The following PALM2AKAP2 variants were observed in gnomAD, a reference collection of about 807,000 sequenced individuals.
The protein encoded by PALM2AKAP2 is PALM2-AKAP2 fusion protein.
PALM2AKAP2 carries 37 observed loss-of-function variants against 71.5 expected under a neutral mutation model. The ratio of observed to expected loss-of-function variants is 0.52; its 90% CI spans 0.40 to 0.68. The LOEUF is 0.68. PALM2AKAP2 is among the 30% of genes least tolerant of loss of function. The pLI, the probability that PALM2AKAP2 is intolerant of heterozygous loss-of-function variation, is 0.00. For synonymous variants in PALM2AKAP2, 468 were observed against 478.8 expected (o/e 0.98, Z 0.29); for missense variants, 1,224 against 1,191.8 (o/e 1.03, Z -0.40).
At chr9:109,764,334 CA>C (rs71492861) in intron 1 of PALM2AKAP2, among the ~76,000 whole-genome samples, 18,744 of 151,864 alleles carry the variant, frequency 0.12, 1,469 homozygotes, top group Non-Finnish European at 0.17. Context: ...CATCCTTCTC[CA>C]AAACAGGGTG....
intron 1 of PALM2AKAP2, among the ~76,000 whole-genome samples, chr9:109,761,736 G>T (rs571287070): frequency 6.6e-6 from 1 of 152,188 alleles, no homozygotes; most frequent in East Asian, 1.9e-4. Context: ...GTATTCCATG[G>T]TGTATATGTG....
At chr9:110,079,939 A>G (rs1834408489) in intron 1 of PALM2AKAP2, among the ~76,000 whole-genome samples, 2 of 151,818 alleles carry the variant, frequency 1.3e-5, no homozygotes, top group Admixed American at 6.6e-5. Context: ...GCGTGGTGGC[A>G]GGATCCTGTA....
At chr9:109,943,067 A>C (rs201290094) in intron 6 of PALM2AKAP2, 51 of 1,614,150 alleles carry the variant, frequency 3.2e-5, no homozygotes, top group Non-Finnish European at 3.7e-5. Flanking sequence ...CCAGGGCAGC[A>C]GGCCCAAGCC....
intron 1 of PALM2AKAP2, among the ~76,000 whole-genome samples, chr9:109,837,442 C>A (rs1217620089): frequency 6.6e-6 from 1 of 152,144 alleles, no homozygotes; most frequent in Non-Finnish European, 1.5e-5. Context: ...TTGTAAAGAC[C>A]ATCGAGGCTA....
At chr9:109,966,878 G>A (rs978906901) in intron 6 of PALM2AKAP2, among the ~76,000 whole-genome samples, 1 of 152,182 alleles carries the variant, frequency 6.6e-6, no homozygotes, top group African/African-American at 2.4e-5. Flanking sequence ...GTCTGGTGCC[G>A]CGGGTCTGCC....
At chr9:110,006,335 T>TTTCTTTCTTTCTTTCG (rs1325379738) in intron 6 of PALM2AKAP2, among the ~76,000 whole-genome samples, 37 of 128,458 alleles carry the variant, frequency 2.9e-4, no homozygotes, top group African/African-American at 9.3e-4. Flanking sequence ...TCTTTCTTTC[T>TTTCTTTCTTTCTTTCG]TTCTTTCTTT....
chr9:109,673,773 G>A (rs1827608776), intron 1 of PALM2AKAP2, among the ~76,000 whole-genome samples: 2 of 152,062 alleles, frequency 1.3e-5, no homozygotes, highest in African/African-American at 4.8e-5. Flanking sequence ...TCATAAATCT[G>A]AGTGCTCTTG....
chr9:109,992,699 A>C (rs1832507464), intron 6 of PALM2AKAP2, among the ~76,000 whole-genome samples: 1 of 152,078 alleles, frequency 6.6e-6, no homozygotes, highest in Admixed American at 6.6e-5. Flanking sequence ...GAGTTTTTCA[A>C]AATACTTGAA....
chr9:109,841,357 G>A (rs1356916861), intron 1 of PALM2AKAP2, among the ~76,000 whole-genome samples: 1 of 146,584 alleles, frequency 6.8e-6, no homozygotes, highest in African/African-American at 2.6e-5. Flanking sequence ...CATACACTGG[G>A]GCCTGTTGTG....
intron 1 of PALM2AKAP2, among the ~76,000 whole-genome samples, chr9:110,115,575 C>G (rs1382982623): frequency 6.6e-6 from 1 of 152,216 alleles, no homozygotes; most frequent in Non-Finnish European, 1.5e-5. Context: ...ACCATCTGGA[C>G]TTTCCTCGAG....
At chr9:109,996,718 G>C (rs1021604271) in intron 6 of PALM2AKAP2, among the ~76,000 whole-genome samples, 1 of 152,278 alleles carries the variant, frequency 6.6e-6, no homozygotes, top group African/African-American at 2.4e-5. Context: ...AAGCTTCTGA[G>C]TGTACTGTGG....
At chr9:109,851,062 A>C (rs1828997729) in intron 1 of PALM2AKAP2, among the ~76,000 whole-genome samples, 1 of 152,094 alleles carries the variant, frequency 6.6e-6, no homozygotes, top group South Asian at 2.1e-4. Flanking sequence ...CTGTAGTCCC[A>C]GCTGCTTGGG....
chr9:109,652,555 T>G (rs1827240955), intron 1 of PALM2AKAP2, among the ~76,000 whole-genome samples: 1 of 152,236 alleles, frequency 6.6e-6, no homozygotes, highest in Non-Finnish European at 1.5e-5. Context: ...CCAGTATTTC[T>G]TTATAGCAAT....
chr9:109,898,672 G>A (rs535591441), intron 3 of PALM2AKAP2, among the ~76,000 whole-genome samples: 25 of 152,106 alleles, frequency 1.6e-4, no homozygotes, highest in Non-Finnish European at 3.5e-4. Flanking sequence ...AACTGACTTT[G>A]GAACAGCCAT....
At chr9:110,166,007 T>C (rs1276725206) in intron 3 of PALM2AKAP2, among the ~76,000 whole-genome samples, 1 of 152,182 alleles carries the variant, frequency 6.6e-6, no homozygotes, top group Non-Finnish European at 1.5e-5. Flanking sequence ...ATGTAAACCT[T>C]TCTGTTTGTA....
At chr9:109,945,322 G>A (rs1268713819) in intron 6 of PALM2AKAP2, 1 of 152,126 alleles carries the variant, frequency 6.6e-6, no homozygotes, top group Non-Finnish European at 1.5e-5. Context: ...TTCTGCTGTT[G>A]AAGATTATTT....
At chr9:109,850,268 C>G (rs1828974661) in intron 1 of PALM2AKAP2, among the ~76,000 whole-genome samples, 1 of 152,092 alleles carries the variant, frequency 6.6e-6, no homozygotes. Context: ...AAACTCATAC[C>G]CAGGGATGAG....
intron 1 of PALM2AKAP2, among the ~76,000 whole-genome samples, chr9:109,719,070 A>G (rs1828368838): frequency 2.6e-5 from 4 of 152,236 alleles, no homozygotes. Flanking sequence ...CTGGAATTTA[A>G]TCATCTCTTA....
At chr9:109,801,673 C>T (rs10980050) in intron 1 of PALM2AKAP2, among the ~76,000 whole-genome samples, 2 of 151,852 alleles carry the variant, frequency 1.3e-5, no homozygotes. Flanking sequence ...TCAGAATGCT[C>T]AGGCCAGAGC....
Sources: gnomAD v4.1 joint callset for allele counts (sites outside exome capture counted in the v4.1 genomes callset) on GRCh38, gnomAD v4.1.1 for gene constraint, MANE v1.5 for transcripts, NCBI Gene and HGNC (gene_info 2026-07-23, HGNC 2026-07-21) for gene names.